SH3TC1: variants seen among roughly 807,000 people sequenced by gnomAD.
SH3TC1 encodes the protein SH3 domain and tetratricopeptide repeat-containing protein 1.
A neutral mutation model predicts 117.3 loss-of-function variants in SH3TC1; 135 were observed. The observed-to-expected ratio is 1.15, with a 90% CI of 1.00 to 1.33. The LOEUF is 1.33. Ranked by LOEUF, SH3TC1 falls within the 40% of genes most tolerant of loss-of-function variation. The pLI is 0.00. For synonymous variants in SH3TC1, 898 were observed against 816.9 expected (o/e 1.10, Z -1.69); for missense variants, 2,092 against 1,794.3 (o/e 1.17, Z -3.00).
Position 8,228,433 on chromosome 4 carries a change from C to T in SH3TC1, c.2739C>T (p.Cys913=), listed in dbSNP as rs1470610456. ...GGCTGGCCAACTTCGGGGCCCTGTGCCTGCATGCGGGTGCCAGCAGGCTGG... is the reference window on the plus strand; with the variant it reads ...GGCTGGCCAACTTCGGGGCCCTGTGTCTGCATGCGGGTGCCAGCAGGCTGG... ...AVGLANFGAL[C]LHAGASRLAQ... The change falls in exon 12 of 18, where the codon TGC becomes TGT. Residue 913 remains cysteine (C), a synonymous_variant. Transcript: ENST00000245105. 6.2e-7 allele frequency: 1 copy of T among 1,604,750 alleles called. No individual in the cohort carries two copies. Among genetic ancestry groups the T allele is most frequent in the African/African-American group, 1.3e-5 (1 of 74,994 alleles).
intron 17 of SH3TC1, among the ~76,000 whole-genome samples, chr4:8,239,296 C>T (rs1422394290): frequency 2.1e-5 from 3 of 141,724 alleles, no homozygotes; most frequent in Non-Finnish European, 1.5e-5. Context: ...GACATGCACA[C>T]ATGAGCACAC....
In SH3TC1 at chr4:8,211,945, G is replaced by A. The variant is rs761168307; in HGVS notation, c.248-756G>A. Among the ~76,000 whole-genome samples the A allele has an allele frequency of 9.9e-5, 15 of 152,244 alleles. No homozygotes were observed. In the East Asian group the frequency reaches 1.7e-3, roughly 18 times the overall value. On this transcript the variant is annotated intron_variant, in intron 3 of 17. Transcript: ENST00000245105. Reference sequence around the variant, plus strand: ...TGCCATGGGGTCCCAATGGCTCTGCGCAGACCAGGGGACAGACAGGAGGGA... The same window carrying A: ...TGCCATGGGGTCCCAATGGCTCTGCACAGACCAGGGGACAGACAGGAGGGA...
intron 13 of SH3TC1, chr4:8,232,970 C>A: frequency 8.4e-7 from 1 of 1,194,468 alleles, no homozygotes; most frequent in South Asian, 1.6e-5. Context: ...TGGGGGCAGG[C>A]CAGCAAGCTA....
chr4:8,200,936 C>T (rs561970495), intron 1 of SH3TC1, among the ~76,000 whole-genome samples: 1 of 152,230 alleles, frequency 6.6e-6, no homozygotes, highest in Admixed American at 6.5e-5. Flanking sequence ...TTAGGGCCAT[C>T]CTCATCTGGA....
intron 1 of SH3TC1, among the ~76,000 whole-genome samples, chr4:8,199,883 C>A (rs1010646767): frequency 2.6e-5 from 4 of 152,236 alleles, no homozygotes; most frequent in African/African-American, 9.6e-5. Flanking sequence ...CACTCTGATG[C>A]CGCCACCTGG....
At chr4:8,189,406 C>G (rs985468080) in intron 1 of SH3TC1, among the ~76,000 whole-genome samples, 2 of 152,370 alleles carry the variant, frequency 1.3e-5, no homozygotes, top group South Asian at 4.1e-4. Flanking sequence ...GCCGGGCCGG[C>G]GGCCGGGGTA....
rs1440191019 is a variant in SH3TC1, at chr4:8,209,175, T to C, written c.173-573T>C. 6.6e-6 allele frequency among the ~76,000 whole-genome samples: 1 copy of C among 152,142 alleles called. No homozygotes were observed. The highest frequency in any genetic ancestry group is 1.5e-5 in the Non-Finnish European group (1 of 68,028). ...TGCCCATGTCCTTATCCCCACGACC[T>C]ACGCCTGCATTACCTCATCCAGCAA... is the stretch of plus-strand genomic sequence containing the variant. On this transcript the variant is annotated intron_variant, in intron 2 of 17. Coordinates refer to ENST00000245105, the MANE Select transcript of SH3TC1 (RefSeq NM_018986.5). The surrounding 1 kb of genome is among the most constrained non-coding windows in gnomAD (Gnocchi z 5.9).
At chr4:8,194,422 G>A (rs906643958), upstream of SH3TC1, among the ~76,000 whole-genome samples, 1 of 151,620 alleles carries the variant, frequency 6.6e-6, no homozygotes, top group Admixed American at 6.6e-5. Flanking sequence ...ATCGTGTCCT[G>A]GCACCTTGTC....
chr4:8,235,588 CCCAGGGGGGGCA>C, intron 15 of SH3TC1, 33 bp downstream of exon 15: 1 of 1,541,380 alleles, frequency 6.5e-7, no homozygotes, highest in Non-Finnish European at 8.8e-7. Context: ...GTGGGTGGGC[CCCAGGGGGGGCA>C]CCTTGAGGGC....
chr4:8,212,948 T>A, intron 4 of SH3TC1, 120 bp downstream of exon 4: 1 of 1,350,976 alleles, frequency 7.4e-7, no homozygotes, highest in Non-Finnish European at 9.9e-7. Flanking sequence ...CGAGAGCCAC[T>A]CAGGACAGTG....
Position 8,200,327 on chromosome 4 carries a change from C to G in SH3TC1, c.-29+922C>G, listed in dbSNP as rs565692254. Among the ~76,000 whole-genome samples, 18 of 152,272 alleles carry G rather than the reference C, an allele frequency of 1.2e-4. No individual in the cohort carries two copies. The East Asian group carries it at 3.5e-3, about 29-fold the overall frequency. On this transcript the variant is annotated intron_variant, in intron 1 of 17. Transcript: ENST00000245105. The stretch of plus-strand genomic sequence containing the variant: ...TTAGGATGGGTATGTGGGGGCTGGG[C>G]TCTGACCACCTGGGTTCAACCCCAC...
Position 8,212,750 on chromosome 4 carries a change from C to G in SH3TC1, c.297C>G (p.Asp99Glu). Residue 99 changes from aspartate to glutamate, a missense_variant, in exon 4 of 18, where the codon GAC (aspartate) becomes GAG (glutamate). Physicochemically the swap from Asp to Glu is conservative, Grantham distance 45. Coordinates refer to ENST00000245105, the MANE Select transcript of SH3TC1 (RefSeq NM_018986.5). Reference protein sequence around the residue: ...LAVRRKSRLRDPGLQQTLRGQ... With the variant: ...LAVRRKSRLREPGLQQTLRGQ... Reference sequence around the variant, plus strand: ...TGCGGAGGAAGAGCAGACTGCGGGACCCCGGCCTACAGCAGACCCTCCGGG... The same window carrying G: ...TGCGGAGGAAGAGCAGACTGCGGGAGCCCGGCCTACAGCAGACCCTCCGGG... 6.2e-7 allele frequency: 1 copy of G among 1,612,796 alleles called. No homozygotes were observed. The highest frequency in any genetic ancestry group is 8.5e-7 in the Non-Finnish European group (1 of 1,179,892).
rs1277406137 is a variant in SH3TC1 at position 8,209,780 on chromosome 4, G to A, written c.205G>A (p.Ala69Thr). The A allele has an allele frequency of 6.2e-7, 1 of 1,613,550 alleles. No individual in the cohort carries two copies. Among genetic ancestry groups the A allele is most frequent in the Non-Finnish European group, 8.5e-7 (1 of 1,180,000 alleles). ...EAPPARVAGP[A>T]AGTPPCQMGV... Reference sequence around the variant, plus strand: ...TCCTCCTGCCCGCGTGGCTGGGCCTGCTGCTGGGACCCCTCCCTGCCAGAT... The same window carrying A: ...TCCTCCTGCCCGCGTGGCTGGGCCTACTGCTGGGACCCCTCCCTGCCAGAT... Residue 69 changes from alanine (A) to threonine (T), a missense_variant, in exon 3 of 18, where the codon GCT becomes ACT. Ala to Thr is a moderately conservative substitution (Grantham distance 58). Coordinates refer to ENST00000245105, the MANE Select transcript of SH3TC1 (RefSeq NM_018986.5). The surrounding 1 kb of genome is among the most constrained non-coding windows in gnomAD (Gnocchi z 5.9).
At chr4:8,233,037 G>C (rs1266970426) in intron 13 of SH3TC1, 2 of 1,223,038 alleles carry the variant, frequency 1.6e-6, no homozygotes, top group African/African-American at 3.1e-5. Context: ...CCATCGGCCT[G>C]GATAGCATCT....
chr4:8,237,706 G>A, intron 17 of SH3TC1, 36 bp downstream of exon 17: 1 of 1,554,022 alleles, frequency 6.4e-7, no homozygotes, highest in South Asian at 1.2e-5. Context: ...GGTGTTCCCG[G>A]CCCCCTTGGA....
chr4:8,220,128 T>C (rs1355391098), intron 9 of SH3TC1, among the ~76,000 whole-genome samples: 1 of 152,212 alleles, frequency 6.6e-6, no homozygotes, highest in Non-Finnish European at 1.5e-5. Flanking sequence ...AAAGATCCTT[T>C]CTCCAAGAAA....
At chr4:8,235,036 G>T (rs985016780) in intron 14 of SH3TC1, among the ~76,000 whole-genome samples, 17 of 152,340 alleles carry the variant, frequency 1.1e-4, no homozygotes, top group African/African-American at 3.4e-4. Flanking sequence ...GCCAAGAGGG[G>T]ACCAGCCCAC....
intron 3 of SH3TC1, among the ~76,000 whole-genome samples, chr4:8,212,163 G>C (rs1718798894): frequency 6.6e-6 from 1 of 152,110 alleles, no homozygotes. Context: ...GTGGAGAGGA[G>C]CCGGCTTAGG....
rs367740159 is a variant in SH3TC1, at chr4:8,227,480, G to T, written c.1786G>T (p.Asp596Tyr). The change falls in exon 12 of 18, where the codon GAC (aspartate) becomes TAC (tyrosine). Residue 596 changes from aspartate to tyrosine, a missense_variant. Coordinates refer to ENST00000245105, the MANE Select transcript of SH3TC1 (RefSeq NM_018986.5). ...GGGGGCCCTGGAGGGCAGCTTCGGGGACCTGTTCCTAGTGGTGGCTGTGTA... is the reference window on the plus strand; with the variant it reads ...GGGGGCCCTGGAGGGCAGCTTCGGGTACCTGTTCCTAGTGGTGGCTGTGTA... ...ALGALEGSFGDLFLVVAVYAN... is the reference protein window; with the variant it reads ...ALGALEGSFGYLFLVVAVYAN... 3.1e-5 allele frequency: 49 copies of T among 1,565,638 alleles called. No homozygotes were observed. In the African/African-American group the frequency reaches 5.1e-4, roughly 16 times the overall value.
Sources: allele counts gnomAD v4.1 joint callset (sites outside exome capture counted in the v4.1 genomes callset), GRCh38; gene constraint gnomAD v4.1.1; non-coding constraint Gnocchi (gnomAD v3.1); transcripts MANE v1.5; gene names NCBI Gene and HGNC (gene_info 2026-07-23, HGNC 2026-07-21).